Variants in JMJD1C observed in about 807,000 individuals in gnomAD.
JMJD1C encodes jumonji domain containing 1C, also known as jumonji domain-containing protein 1C.
Under a neutral mutation model 245.3 loss-of-function variants are expected in JMJD1C, and 31 were observed. The observed-to-expected ratio is 0.13, with a 90% CI of 0.09 to 0.17. JMJD1C has a LOEUF of 0.17. JMJD1C is among the 10% of genes least tolerant of loss of function. JMJD1C has a pLI of 1.00. For synonymous variants in JMJD1C, 1,057 were observed against 1,017.4 expected (o/e 1.04, Z -0.74); for missense variants, 2,691 against 3,000.2 (o/e 0.90, Z 2.41).
intron 3 of JMJD1C, among the ~76,000 whole-genome samples, chr10:63,257,461 T>C (rs1298137799): frequency 6.6e-6 from 1 of 152,176 alleles, no homozygotes; most frequent in African/African-American, 2.4e-5. Context: ...CAGAGAAGGC[T>C]GTTTTTTCAC....
chr10:63,499,543 G>A (rs188072686), intron 1 of JMJD1C, among the ~76,000 whole-genome samples: 19 of 152,104 alleles, frequency 1.2e-4, no homozygotes, highest in South Asian at 6.2e-4. Flanking sequence ...CATGGCCTTC[G>A]TGTCAAGTGA....
intron 3 of JMJD1C, among the ~76,000 whole-genome samples, chr10:63,247,839 TAAAAC>T (rs143095650): frequency 9.7e-4 from 146 of 150,610 alleles, no homozygotes; most frequent in African/African-American, 3.2e-3. Context: ...CTCAAATGCA[TAAAAC>T]AAAACAAAAC....
chr10:63,317,914 G>A (rs1425763185), intron 2 of JMJD1C, among the ~76,000 whole-genome samples: 2 of 152,042 alleles, frequency 1.3e-5, no homozygotes, highest in African/African-American at 4.8e-5. Flanking sequence ...GCACGATCAC[G>A]GCTCACTGCC....
At chr10:63,469,818 A>T (rs1953433786), upstream of JMJD1C, among the ~76,000 whole-genome samples, 1 of 152,198 alleles carries the variant, frequency 6.6e-6, no homozygotes, top group South Asian at 2.1e-4. Context: ...GCAAGCCACT[A>T]TTTAAATGAG....
chr10:63,208,168 A>T lies in JMJD1C; in HGVS notation c.3501T>A (p.Leu1167=). 1 of 1,614,104 alleles carries T rather than the reference A, an allele frequency of 6.2e-7. No homozygotes were observed. Among genetic ancestry groups the T allele is most frequent in the Non-Finnish European group, 8.5e-7 (1 of 1,180,002 alleles). The part of the protein sequence containing the change: ...EGLVGKIPEH[L]PHQIASHSVT... ...CTGAGTGAGATGCAATCTGATGTGG[A>T]AGATGTTCTGGTATCTTGCCTACTA... Residue 1167 remains leucine, a synonymous_variant, in exon 10 of 26, where the codon CTT becomes CTA. Coordinates refer to ENST00000399262, the MANE Select transcript of JMJD1C (RefSeq NM_032776.3).
chr10:63,414,969 C>CA (rs1949718215), intron 1 of JMJD1C, among the ~76,000 whole-genome samples: 1 of 148,920 alleles, frequency 6.7e-6, no homozygotes, highest in Admixed American at 6.7e-5. Flanking sequence ...GATGAACTGA[C>CA]AAACAATAGG....
At chr10:63,283,078 C>G (rs1173680423) in intron 2 of JMJD1C, among the ~76,000 whole-genome samples, 6 of 152,090 alleles carry the variant, frequency 3.9e-5, no homozygotes, top group African/African-American at 1.4e-4. Context: ...AGGAATAAGA[C>G]AAGAGTCCCA....
chr10:63,203,122 C>A, intron 10 of JMJD1C: 2 of 984,932 alleles, frequency 2.0e-6, no homozygotes, highest in Non-Finnish European at 2.4e-6. Context: ...GACATTAAGG[C>A]CCAATTCATA....
At chr10:63,375,795 T>C (rs1946695879) in intron 2 of JMJD1C, among the ~76,000 whole-genome samples, 3 of 151,954 alleles carry the variant, frequency 2.0e-5, no homozygotes, top group African/African-American at 2.4e-5. Context: ...CCTCAAGCAA[T>C]CCTCTCGCCT....
chr10:63,176,078 A>G (rs1842838512), intron 24 of JMJD1C, among the ~76,000 whole-genome samples: 1 of 152,236 alleles, frequency 6.6e-6, no homozygotes, highest in African/African-American at 2.4e-5. Flanking sequence ...GACAGTATAC[A>G]AATAGAAATC....
chr10:63,231,522 A>G (rs1849986609), intron 3 of JMJD1C, among the ~76,000 whole-genome samples: 2 of 152,192 alleles, frequency 1.3e-5, no homozygotes, highest in Admixed American at 6.5e-5. Context: ...GGCCGGGCAC[A>G]GTGGCTCATG....
chr10:63,237,485 T>TAC (rs1850886487), intron 3 of JMJD1C, among the ~76,000 whole-genome samples: 2 of 152,180 alleles, frequency 1.3e-5, no homozygotes, highest in Non-Finnish European at 2.9e-5. Flanking sequence ...TATAGTACCA[T>TAC]ACTTCTATTT....
At chr10:63,447,139 G>T (rs1951767632) in intron 1 of JMJD1C, among the ~76,000 whole-genome samples, 1 of 150,544 alleles carries the variant, frequency 6.6e-6, no homozygotes. Flanking sequence ...CTCTTAACAA[G>T]AGGAAGGAAC....
chr10:63,487,929 C>A (rs1281226853), intron 1 of JMJD1C, among the ~76,000 whole-genome samples: 1 of 152,176 alleles, frequency 6.6e-6, no homozygotes, highest in Non-Finnish European at 1.5e-5. Context: ...TCATGTAATA[C>A]TTCTAAGAAA....
At chr10:63,466,303 A>G (rs1294606705), upstream of JMJD1C, 3 of 153,360 alleles carry the variant, frequency 2.0e-5, no homozygotes, top group Non-Finnish European at 2.9e-5. Flanking sequence ...CTGATCACAA[A>G]ATAAACTCCT....
At chr10:63,334,275 G>T (rs945937604) in intron 2 of JMJD1C, among the ~76,000 whole-genome samples, 1 of 152,114 alleles carries the variant, frequency 6.6e-6, no homozygotes. Flanking sequence ...AATGACTGAT[G>T]TAACTCTTTT....
intron 2 of JMJD1C, among the ~76,000 whole-genome samples, chr10:63,283,769 A>C (rs1314734089): frequency 6.6e-6 from 1 of 152,128 alleles, no homozygotes; most frequent in African/African-American, 2.4e-5. Flanking sequence ...TTTTGTTTTA[A>C]CTTTGTGCTG....
At chr10:63,478,850 T>C (rs1953742121) in intron 1 of JMJD1C, among the ~76,000 whole-genome samples, 1 of 152,148 alleles carries the variant, frequency 6.6e-6, no homozygotes, top group African/African-American at 2.4e-5. Flanking sequence ...CCTACAGTCC[T>C]AGCTAGTTGT....
At chr10:63,237,348 T>TCACTAAA (rs34916153) in intron 3 of JMJD1C, among the ~76,000 whole-genome samples, 4 of 151,904 alleles carry the variant, frequency 2.6e-5, no homozygotes, top group Non-Finnish European at 4.4e-5. Context: ...AAACACTCAC[T>TCACTAAA]AAAAATTTTT....
Sources: allele counts gnomAD v4.1 joint callset (sites outside exome capture counted in the v4.1 genomes callset), GRCh38; gene constraint gnomAD v4.1.1; transcripts MANE v1.5; gene names NCBI Gene and HGNC (gene_info 2026-07-23, HGNC 2026-07-21).